The following ATP2A2 variants were observed in gnomAD, a reference collection of about 807,000 sequenced individuals.
The protein encoded by ATP2A2 is sarcoplasmic/endoplasmic reticulum calcium ATPase 2.
A neutral mutation model predicts 109.3 loss-of-function variants in ATP2A2; 14 were observed. The observed-to-expected ratio is 0.13, with a 90% CI of 0.08 to 0.20. ATP2A2 has a LOEUF of 0.20. Among genes scored for constraint, ATP2A2 ranks in the 10% least tolerant of loss-of-function variants. The pLI, the probability that ATP2A2 is intolerant of heterozygous loss-of-function variation, is 1.00. For missense variants in ATP2A2, 657 were observed against 1,321.6 expected (o/e 0.50, Z 7.80); for synonymous variants, 506 against 490.9 (o/e 1.03, Z -0.41).
chr12:110,323,605 TTAAAGAC>T (rs1877467976), intron 6 of ATP2A2, among the ~76,000 whole-genome samples: 1 of 151,792 alleles, frequency 6.6e-6, no homozygotes. Flanking sequence ...AGCCCAGGAG[TTAAAGAC>T]GGGCCTGGGC....
At chr12:110,296,972 C>G (rs1039892362) in intron 5 of ATP2A2, among the ~76,000 whole-genome samples, 2 of 152,078 alleles carry the variant, frequency 1.3e-5, no homozygotes, top group Admixed American at 6.6e-5. Context: ...ATTTTGAATT[C>G]TACTTGTTTA....
rs1432428784 is a variant in ATP2A2 at position 110,326,564 on chromosome 12, T to C, written c.630+89T>C. The C allele has an allele frequency of 5.0e-6, 6 of 1,198,910 alleles. No individual in the cohort carries two copies. The East Asian group carries it at 1.3e-4, about 25-fold the overall frequency. 74.3% of individuals were successfully genotyped at this position (1,198,910 alleles called of 1,614,324 possible). On this transcript the variant is annotated intron_variant, in intron 7 of 19. Transcript: ENST00000539276. Reference sequence around the variant, plus strand: ...TTTTTCACTGCCAACCATCACTGGCTATCATTCTAAAGGATAATCACACTT... The same window carrying C: ...TTTTTCACTGCCAACCATCACTGGCCATCATTCTAAAGGATAATCACACTT...
intron 5 of ATP2A2, among the ~76,000 whole-genome samples, chr12:110,300,052 G>A (rs554836925): frequency 7.3e-4 from 111 of 151,158 alleles, no homozygotes; most frequent in Admixed American, 4.0e-3. Flanking sequence ...CACCACGCAC[G>A]GCCTAAAGCA....
chr12:110,346,593 C>G lies in ATP2A2; in HGVS notation c.*123C>G, dbSNP rs924915672. The G allele has an allele frequency of 5.9e-6, 9 of 1,520,800 alleles. No individual in the cohort carries two copies. The highest frequency in any genetic ancestry group is 7.9e-6 in the Non-Finnish European group (9 of 1,141,450). 94.2% of individuals were successfully genotyped at this position (1,520,800 alleles called of 1,614,324 possible). On this transcript the variant is annotated 3_prime_UTR_variant, in exon 20 of 20. Coordinates refer to ENST00000539276, the MANE Select transcript of ATP2A2 (RefSeq NM_170665.4). ...ACTGGCTGGTGATGGAGGTTTCATA[C>G]TCTAGATTTTGTTTTGCTTTTTCTG...
At chr12:110,309,788 C>T (rs1247868024) in intron 5 of ATP2A2, among the ~76,000 whole-genome samples, 2 of 151,958 alleles carry the variant, frequency 1.3e-5, no homozygotes, top group Admixed American at 1.3e-4. Context: ...TACCTGTAGT[C>T]CCAACGACTT....
chr12:110,306,784 G>T (rs1385576331), intron 5 of ATP2A2, among the ~76,000 whole-genome samples: 1 of 152,054 alleles, frequency 6.6e-6, no homozygotes, highest in Non-Finnish European at 1.5e-5. Context: ...CTGGAGTGCA[G>T]TGGTGCGATT....
intron 5 of ATP2A2, among the ~76,000 whole-genome samples, chr12:110,309,138 TAA>T (rs1450869531): frequency 2.2e-4 from 28 of 129,610 alleles, no homozygotes; most frequent in Admixed American, 1.0e-3. Context: ...TTAAGGAAAC[TAA>T]TTTTTTTTTT....
At chr12:110,341,141 T>A in intron 14 of ATP2A2, 147 bp downstream of exon 14, 1 of 918,758 alleles carries the variant, frequency 1.1e-6, no homozygotes, top group Non-Finnish European at 1.7e-6. Context: ...GGTGAATCAG[T>A]GGTTAGCATG....
chr12:110,307,703 TGTTTGTGTGTGG>T (rs1180663360), intron 5 of ATP2A2, among the ~76,000 whole-genome samples: 1 of 152,196 alleles, frequency 6.6e-6, no homozygotes, highest in African/African-American at 2.4e-5. Context: ...TTTGTGTGTG[TGTTTGTGTGTGG>T]ATTTAAGTTC....
Position 110,350,099 on chromosome 12 carries a change from C to G in ATP2A2, c.*3629C>G. 1 of 1,468,660 alleles carries G rather than the reference C, an allele frequency of 6.8e-7. No homozygotes were observed. Among genetic ancestry groups the G allele is most frequent in the Non-Finnish European group, 9.0e-7 (1 of 1,114,852 alleles). 91.0% of individuals were successfully genotyped at this position (1,468,660 alleles called of 1,614,324 possible). ...AGGAGTCTGTGTCACTGAGCCAGTG[C>G]TTCTAGATGCTACCCTGTGTGGGCG... On this transcript the variant is annotated 3_prime_UTR_variant, in exon 20 of 20. Coordinates refer to ENST00000539276, the MANE Select transcript of ATP2A2 (RefSeq NM_170665.4).
At chr12:110,322,886 C>A in intron 5 of ATP2A2, 106 bp from the exon 6 acceptor site, 1 of 830,592 alleles carries the variant, frequency 1.2e-6, no homozygotes, top group Non-Finnish European at 2.1e-6. Context: ...GTGTTATATG[C>A]AGATCATTTA....
At chr12:110,307,586 G>T (rs966785168) in intron 5 of ATP2A2, among the ~76,000 whole-genome samples, 1 of 152,044 alleles carries the variant, frequency 6.6e-6, no homozygotes, top group Non-Finnish European at 1.5e-5. Flanking sequence ...GTTTTGATTT[G>T]CATCTCTCTA....
At chr12:110,326,060 C>A in intron 6 of ATP2A2, 2 of 341,136 alleles carry the variant, frequency 5.9e-6, no homozygotes, top group South Asian at 2.9e-5. Flanking sequence ...GTAAATAATA[C>A]AGTCACAGTA....
Position 110,350,409 on chromosome 12 carries a change from AAAAG to A in ATP2A2, c.*3943_*3946del. On this transcript the variant is annotated 3_prime_UTR_variant, in exon 20 of 20. Coordinates refer to ENST00000539276, the MANE Select transcript of ATP2A2 (RefSeq NM_170665.4). Reference sequence around the variant, plus strand: ...CCCTGTGCATGACTGATGTTGGGGAAAAAGAAAAGTAAAAAACTTCCCAACTCAC... The same window carrying A: ...CCCTGTGCATGACTGATGTTGGGGAAAAAAGTAAAAAACTTCCCAACTCAC... 1 of 1,589,528 alleles carries A rather than the reference AAAAG, an allele frequency of 6.3e-7. No homozygotes were observed. Among genetic ancestry groups the A allele is most frequent in the Non-Finnish European group, 8.6e-7 (1 of 1,159,270 alleles).
At chr12:110,310,048 G>A (rs1875843649) in intron 5 of ATP2A2, among the ~76,000 whole-genome samples, 1 of 152,068 alleles carries the variant, frequency 6.6e-6, no homozygotes, top group Admixed American at 6.6e-5. Context: ...AATCTTATAA[G>A]AAATGAACGT....
At position 110,281,783 on chromosome 12, in the gene ATP2A2, C is replaced by A; in HGVS notation, c.-7C>A. 1 of 1,498,172 alleles carries A rather than the reference C, an allele frequency of 6.7e-7. No individual in the cohort carries two copies. The highest frequency in any genetic ancestry group is 8.9e-7 in the Non-Finnish European group (1 of 1,120,422). 92.8% of individuals were successfully genotyped at this position (1,498,172 alleles called of 1,614,324 possible). A position where few individuals can be genotyped will look rare whatever the true frequency, so the allele number is the denominator to read the frequency against. Reference sequence around the variant, plus strand: ...CGGGAGGCGAGGCCGGCCGGGCCCCCGAAGCCATGGAGAACGCGCACACCA... The same window carrying A: ...CGGGAGGCGAGGCCGGCCGGGCCCCAGAAGCCATGGAGAACGCGCACACCA... On this transcript the variant is annotated 5_prime_UTR_variant, in exon 1 of 20. Coordinates refer to ENST00000539276, the MANE Select transcript of ATP2A2 (RefSeq NM_170665.4).
intron 11 of ATP2A2, among the ~76,000 whole-genome samples, chr12:110,337,969 A>C (rs35685291): frequency 0.054 from 8,290 of 152,322 alleles, 321 homozygotes; most frequent in African/African-American, 0.11. Context: ...GTAACGATAT[A>C]AAGCCAAAGG....
chr12:110,319,323 TC>T (rs1404244682), intron 5 of ATP2A2, among the ~76,000 whole-genome samples: 2 of 151,502 alleles, frequency 1.3e-5, no homozygotes, highest in Non-Finnish European at 2.9e-5. Context: ...AGATAACTCT[TC>T]TTGTCGTTTC....
At chr12:110,281,137 A>T (rs1592781063), upstream of ATP2A2, 1 of 148,970 alleles carries the variant, frequency 6.7e-6, no homozygotes, top group East Asian at 2.0e-4. Flanking sequence ...GGGAGCCGGG[A>T]GGAGGGGGCG....
Sources: gnomAD v4.1 joint callset for allele counts (sites outside exome capture counted in the v4.1 genomes callset) on GRCh38, gnomAD v4.1.1 for gene constraint, MANE v1.5 for transcripts, NCBI Gene and HGNC (gene_info 2026-07-23, HGNC 2026-07-21) for gene names.